Variants in MGME1 observed in about 807,000 individuals in gnomAD.
MGME1 encodes mitochondrial genome maintenance exonuclease 1.
Under a neutral mutation model 33.0 loss-of-function variants are expected in MGME1, and 22 were observed. The ratio of observed to expected loss-of-function variants is 0.67; its 90% CI spans 0.48 to 0.95. The LOEUF (loss-of-function observed/expected upper bound fraction) is 0.95, where lower values mean the gene tolerates loss of function less well. MGME1 is among the 40% of genes least tolerant of loss of function. The pLI is 0.00. For synonymous variants in MGME1, 133 were observed against 144.0 expected, an observed-to-expected ratio of 0.92 and a Z score of 0.55; for missense variants, 383 against 397.8, an observed-to-expected ratio of 0.96 and a Z score of 0.32.
chr20:17,989,742 C>G (rs1275635926), intron 4 of MGME1, among the ~76,000 whole-genome samples, 197 bp from the exon 5 acceptor site: 1 of 151,410 alleles, frequency 6.6e-6, no homozygotes, highest in East Asian at 1.9e-4. Flanking sequence ...GGATCACAGC[C>G]CAGTCTTCAA....
intron 3 of MGME1, among the ~76,000 whole-genome samples, chr20:17,984,553 A>G (rs1373313021): frequency 2.0e-5 from 3 of 152,176 alleles, no homozygotes; most frequent in Admixed American, 6.5e-5. Context: ...GTAATAAACA[A>G]CTATTACTGG....
Position 17,979,497 on chromosome 20 carries a change from C to T in MGME1, c.731+3594C>T, listed in dbSNP as rs185685538. Among the ~76,000 whole-genome samples the T allele has an allele frequency of 2.4e-3, 360 of 148,594 alleles. 1 individual carries two copies. Among genetic ancestry groups the T allele is most frequent in the African/African-American group, 7.8e-3 (313 of 40,340 alleles). ...CGCGATCTCGGCTCACTGCACGCTC[C>T]GCCTCGGGTTCACGCCATTCTCCTA... is the stretch of plus-strand genomic sequence containing the variant. On this transcript the variant is annotated intron_variant, in intron 3 of 4. Transcript: ENST00000377710.
intron 4 of MGME1, among the ~76,000 whole-genome samples, chr20:17,989,307 A>G (rs191332682): frequency 4.7e-4 from 71 of 149,758 alleles, no homozygotes; most frequent in Middle Eastern, 3.6e-3. Context: ...AATCGCTTGA[A>G]CCCAGGAGGC....
chr20:17,975,554 CAAA>C (rs894514527), intron 2 of MGME1, 127 bp from the exon 3 acceptor site: 518 of 563,714 alleles, frequency 9.2e-4, no homozygotes, highest in East Asian at 1.1e-3. Context: ...AGACTCCATC[CAAA>C]AAAAAAAAAA....
rs61749088 is a variant in MGME1 at position 17,989,944 on chromosome 20, A to G, written c.870A>G (p.Gln290=). 298 of 1,613,784 alleles carry G rather than the reference A, an allele frequency of 1.8e-4. 1 individual carries two copies. In the African/African-American group the frequency reaches 3.6e-3, roughly 19 times the overall value. Residue 290 remains glutamine, a synonymous_variant, in exon 5 of 5, where the codon CAA becomes CAG. Coordinates refer to ENST00000377710, the MANE Select transcript of MGME1 (RefSeq NM_052865.4). ...TGCCCTGTGTTTCTTCCTAGGTTCA[A>G]TGTGGCTTAATTGTGGTGGCCTACA... is the stretch of plus-strand genomic sequence containing the variant. ...NHDTNYSFQV[Q]CGLIVVAYKD... is the part of the protein sequence containing the mutation.
chr20:17,987,921 G>A (rs919717896), intron 3 of MGME1, among the ~76,000 whole-genome samples: 3 of 151,676 alleles, frequency 2.0e-5, no homozygotes, highest in Non-Finnish European at 4.4e-5. Context: ...AAAGTGGGGG[G>A]GTGCACTTAT....
rs76599088 is a variant in MGME1 at position 17,988,228 on chromosome 20, C to G, written c.794C>G (p.Thr265Arg). The change falls in exon 4 of 5, where the codon ACA (threonine) becomes AGA (arginine). Residue 265 changes from threonine to arginine, a missense_variant. Thr to Arg is a moderately conservative substitution (Grantham distance 71). Transcript: ENST00000377710. ...SEKPKPFIQS[T>R]FDNPLQVVAY... is the part of the protein sequence containing the mutation. ...AAACCAAAGCCTTTTATTCAAAGTA[C>G]ATTTGACAACCCACTGCAAGTTGTG... The G allele has an allele frequency of 1.2e-6, 2 of 1,613,920 alleles. No homozygotes were observed. The highest frequency in any genetic ancestry group is 1.7e-6 in the Non-Finnish European group (2 of 1,179,930).
chr20:17,968,679 A>C (rs943517724), upstream of MGME1: 2 of 576,766 alleles, frequency 3.5e-6, no homozygotes, highest in Non-Finnish European at 3.2e-6. Flanking sequence ...GAGCCGGGCA[A>C]AGACGCCACG....
At chr20:17,971,132 A>G (rs1222490316) in intron 2 of MGME1, among the ~76,000 whole-genome samples, 1 of 152,218 alleles carries the variant, frequency 6.6e-6, no homozygotes, top group Non-Finnish European at 1.5e-5. Context: ...TGTTTTAAGA[A>G]TAGTGTACTG....
At chr20:17,968,779 A>T, upstream of MGME1, 1 of 313,462 alleles carries the variant, frequency 3.2e-6, no homozygotes. Context: ...TCCCAGCAAG[A>T]CGCGTCTAGA....
intron 3 of MGME1, among the ~76,000 whole-genome samples, chr20:17,982,885 C>G (rs1220544291): frequency 6.6e-6 from 1 of 152,142 alleles, no homozygotes; most frequent in African/African-American, 2.4e-5. Flanking sequence ...CATCACTTCA[C>G]CTATTTATCA....
intron 3 of MGME1, among the ~76,000 whole-genome samples, chr20:17,978,448 A>T (rs972812379): frequency 3.9e-5 from 6 of 151,926 alleles, no homozygotes; most frequent in African/African-American, 1.5e-4. Context: ...CAGGTGATCC[A>T]CCCACCTCAG....
intron 3 of MGME1, among the ~76,000 whole-genome samples, chr20:17,980,782 A>G (rs1315998871): frequency 6.6e-6 from 1 of 150,866 alleles, no homozygotes; most frequent in Non-Finnish European, 1.5e-5. Context: ...GCACTCTAGC[A>G]TGGGTGACAG....
intron 3 of MGME1, among the ~76,000 whole-genome samples, chr20:17,979,146 G>A (rs1001174241): frequency 3.3e-5 from 5 of 151,584 alleles, no homozygotes; most frequent in Admixed American, 6.6e-5. Flanking sequence ...GCATGATCTC[G>A]GCTCACTGCA....
rs139952681 is a variant in MGME1 at position 17,987,494 on chromosome 20, A to T, written c.732-672A>T. On this transcript the variant is annotated intron_variant, in intron 3 of 4. Transcript: ENST00000377710. ...CCCATTAATCATTTGTTAGTTGATT[A>T]CATGTTGAAATGATATTTTGGATAT... Among the ~76,000 whole-genome samples, 337 of 152,346 alleles carry T rather than the reference A, an allele frequency of 2.2e-3. 2 individuals are homozygous for T. Among genetic ancestry groups the T allele is most frequent in the African/African-American group, 7.6e-3 (318 of 41,576 alleles).
Position 17,978,761 on chromosome 20 carries a change from C to T in MGME1, c.731+2858C>T, listed in dbSNP as rs554369316. Among the ~76,000 whole-genome samples, 8 of 151,832 alleles carry T rather than the reference C, an allele frequency of 5.3e-5. No homozygotes were observed. In the South Asian group the frequency reaches 1.2e-3, roughly 24 times the overall value. On this transcript the variant is annotated intron_variant, in intron 3 of 4. Transcript: ENST00000377710. ...GGTAATATGAACATTTTTGAAACTA[C>T]GGTTTTTTTTTGTTGTTTTTGTTTT...
At chr20:17,973,109 C>A (rs925617434) in intron 2 of MGME1, among the ~76,000 whole-genome samples, 2 of 152,058 alleles carry the variant, frequency 1.3e-5, no homozygotes, top group Admixed American at 6.6e-5. Context: ...CTTTGGGAGG[C>A]CGAAGCAGGC....
chr20:17,981,505 ACTT>A (rs1334262825), intron 3 of MGME1, among the ~76,000 whole-genome samples: 1 of 152,190 alleles, frequency 6.6e-6, no homozygotes, highest in African/African-American at 2.4e-5. Flanking sequence ...ATTTTGATCT[ACTT>A]CTTTTTTTAC....
intron 3 of MGME1, among the ~76,000 whole-genome samples, chr20:17,982,444 T>C (rs1372156410): frequency 2.0e-5 from 3 of 152,222 alleles, no homozygotes; most frequent in African/African-American, 4.8e-5. Flanking sequence ...GTGTGATATA[T>C]GCAGTTACAA....
Sources: allele counts gnomAD v4.1 joint callset (sites outside exome capture counted in the v4.1 genomes callset), GRCh38; gene constraint gnomAD v4.1.1; transcripts MANE v1.5; gene names NCBI Gene and HGNC (gene_info 2026-07-23, HGNC 2026-07-21).